The following PHC3 variants were observed in gnomAD, a reference collection of about 807,000 sequenced individuals.
PHC3 encodes polyhomeotic homolog 3.
A neutral mutation model predicts 107.4 loss-of-function variants in PHC3; 13 were observed. That is an observed-to-expected ratio of 0.12 (90% CI 0.08 to 0.19). The LOEUF is 0.19. PHC3 is among the 10% of genes least tolerant of loss of function. The pLI, the probability that PHC3 is intolerant of heterozygous loss-of-function variation, is 1.00. For missense variants in PHC3, 992 were observed against 1,210.9 expected, an observed-to-expected ratio of 0.82 and a Z score of 2.68; for synonymous variants, 456 against 427.4, an observed-to-expected ratio of 1.07 and a Z score of -0.83.
Position 170,122,774 on chromosome 3 carries a change from T to C in PHC3, c.1789-30A>G, listed in dbSNP as rs759586537. ...AATGACAAACCATACTGCCTTAAAA[T>C]GTTTCCAAAACTATATTTTATCAGG... On this transcript the variant is annotated intron_variant, in intron 8 of 14. Coordinates refer to ENST00000495893, the MANE Select transcript of PHC3 (RefSeq NM_024947.4). 2.5e-6 allele frequency: 4 copies of C among 1,605,026 alleles called. No individual in the cohort carries two copies. The African/African-American group carries it at 5.4e-5, about 21-fold the overall frequency.
At chr3:170,141,321 G>C (rs1414086611) in intron 6 of PHC3, among the ~76,000 whole-genome samples, 1 of 152,124 alleles carries the variant, frequency 6.6e-6, no homozygotes, top group Non-Finnish European at 1.5e-5. Flanking sequence ...AATATCCATA[G>C]AGAAATTCCT....
In PHC3 at chr3:170,091,078, C is replaced by T. The variant is rs1260196092; in HGVS notation, c.*6152G>A. Reference sequence around the variant, plus strand: ...CCCACCACTCTCTCATAAACACCAACTTTTTCACCACCATCACTTAAAGCT... The same window carrying T: ...CCCACCACTCTCTCATAAACACCAATTTTTTCACCACCATCACTTAAAGCT... On this transcript the variant is annotated 3_prime_UTR_variant, in exon 15 of 15. Transcript: ENST00000495893. 1 of 152,174 alleles carries T rather than the reference C, an allele frequency of 6.6e-6. No individual in the cohort carries two copies. Among genetic ancestry groups the T allele is most frequent in the Admixed American group, 6.5e-5 (1 of 15,276 alleles). The allele number at this position is 152,174 out of a possible 1,614,324, so 9.4% of individuals were successfully genotyped here.
At chr3:170,137,530 A>G (rs552181148) in intron 6 of PHC3, among the ~76,000 whole-genome samples, 16 of 152,324 alleles carry the variant, frequency 1.1e-4, no homozygotes, top group Admixed American at 9.2e-4. Flanking sequence ...ACTGAAATAA[A>G]AGAGACTCCG....
Position 170,122,636 on chromosome 3 carries a change from T to C in PHC3, c.1897A>G (p.Thr633Ala). 3 of 1,613,980 alleles carry C rather than the reference T, an allele frequency of 1.9e-6. No homozygotes were observed. The highest frequency in any genetic ancestry group is 2.5e-6 in the Non-Finnish European group (3 of 1,179,878). The change falls in exon 9 of 15, where the codon ACA becomes GCA. Residue 633 changes from threonine to alanine, a missense_variant. This residue lies in a region of PHC3 where 543 missense variants were observed against 590.8 expected (regional missense o/e 0.92). Coordinates refer to ENST00000495893, the MANE Select transcript of PHC3 (RefSeq NM_024947.4). ...PPPTLSPAAI[T>A]VGRGEDLTSE... is the part of the protein sequence containing the mutation. ...GTCAAATCTTCTCCTCTCCCCACTG[T>C]TATAGCTGCTGGAGACAAAGTGGGT...
At chr3:170,111,317 G>GGAAGGAAGGAACGAACGAAC (rs1553779856) in intron 11 of PHC3, among the ~76,000 whole-genome samples, 1 of 107,426 alleles carries the variant, frequency 9.3e-6, no homozygotes, top group Non-Finnish European at 2.0e-5. Context: ...AAGGAAGGAA[G>GGAAGGAAGGAACGAACGAAC]GAACGAACGA....
chr3:170,099,484 A>G (rs1463930625), intron 14 of PHC3, among the ~76,000 whole-genome samples: 1 of 152,216 alleles, frequency 6.6e-6, no homozygotes, highest in African/African-American at 2.4e-5. Flanking sequence ...ATACTGAGAT[A>G]AAGTTCTGAG....
rs1714855785 is a variant in PHC3, at chr3:170,097,974, A to G, written c.2834-590T>C. 6.6e-6 allele frequency among the ~76,000 whole-genome samples: 1 copy of G among 152,130 alleles called. No individual in the cohort carries two copies. The highest frequency in any genetic ancestry group is 1.5e-5 in the Non-Finnish European group (1 of 68,010). Reference sequence around the variant, plus strand: ...CAAGACTGTATTACCAATCTATTGCAATGCTGCTGAAATGTATTACGCTGC... The same window carrying G: ...CAAGACTGTATTACCAATCTATTGCGATGCTGCTGAAATGTATTACGCTGC... On this transcript the variant is annotated intron_variant, in intron 14 of 14. Transcript: ENST00000495893. The surrounding 1 kb of genome is among the most constrained non-coding windows in gnomAD (Gnocchi z 4.1).
At position 170,091,561 on chromosome 3, in the gene PHC3, C is replaced by G. The variant is rs190611964; in HGVS notation, c.*5669G>C. ...CTATAAAAGGGAAAAAATAAAACAT[C>G]TGGAAAACATTTCCCAAATGTTCCC... On this transcript the variant is annotated 3_prime_UTR_variant, in exon 15 of 15. Transcript: ENST00000495893. 31 of 152,234 alleles carry G rather than the reference C, an allele frequency of 2.0e-4. No homozygotes were observed. In the East Asian group the frequency reaches 5.2e-3, roughly 26 times the overall value. The allele number at this position is 152,234 out of a possible 1,614,324, so 9.4% of individuals were successfully genotyped here.
chr3:170,128,516 A>AT (rs878885056), intron 8 of PHC3, 168 bp downstream of exon 8: 40,174 of 892,902 alleles, frequency 0.045, 3 homozygotes, highest in Middle Eastern at 0.051. Context: ...AAACAATGGC[A>AT]TTTTTTTTTT....
intron 4 of PHC3, among the ~76,000 whole-genome samples, chr3:170,163,133 T>C (rs547310573): frequency 2.6e-5 from 4 of 152,278 alleles, no homozygotes; most frequent in African/African-American, 9.6e-5. Context: ...TAGAAGAGGA[T>C]TTGGCGAATA....
chr3:170,150,556 T>TCAG (rs1725756273), intron 4 of PHC3: 2 of 110,662 alleles, frequency 1.8e-5, no homozygotes, highest in African/African-American at 3.8e-5. Context: ...AAAAAAAAAT[T>TCAG]AAAAAAATTA....
Position 170,108,028 on chromosome 3 carries a change from G to A in PHC3, c.2354-1082C>T, listed in dbSNP as rs533819045. Among the ~76,000 whole-genome samples the A allele has an allele frequency of 2.0e-5, 3 of 152,184 alleles. No individual in the cohort carries two copies. The East Asian group carries it at 5.8e-4, about 29-fold the overall frequency. On this transcript the variant is annotated intron_variant, in intron 11 of 14. Transcript: ENST00000495893. Reference sequence around the variant, plus strand: ...GTTCCATTTCCTATTTTCCACATAAGAACTAAAAGGGTAGTATGACATGTA... The same window carrying A: ...GTTCCATTTCCTATTTTCCACATAAAAACTAAAAGGGTAGTATGACATGTA...
At chr3:170,162,157 T>A (rs996430871) in intron 4 of PHC3, among the ~76,000 whole-genome samples, 1 of 152,174 alleles carries the variant, frequency 6.6e-6, no homozygotes. Context: ...CAGTCCCTCA[T>A]CTCTTCCATT....
rs376426899 is a variant in PHC3 at position 170,097,269 on chromosome 3, C to T, written c.2949G>A (p.Leu983=). The T allele has an allele frequency of 6.8e-6, 11 of 1,613,112 alleles. No individual in the cohort carries two copies. Among genetic ancestry groups the T allele is most frequent in the African/African-American group, 1.3e-5 (1 of 74,876 alleles). Residue 983 remains leucine (L), a synonymous_variant, in exon 15 of 15, where the codon CTG becomes CTA. Coordinates refer to ENST00000495893, the MANE Select transcript of PHC3 (RefSeq NM_024947.4). The surrounding 1 kb of genome is among the most constrained non-coding windows in gnomAD (Gnocchi z 4.1). ...GAGAGTTGATGCGTGCACAGATCTT[C>T]AGGGCTGGGCCTAGCTTGATATTCA... The part of the protein sequence containing the change: ...SAMNIKLGPA[L]KICARINSLK...
At chr3:170,158,993 T>G (rs1423046257) in intron 4 of PHC3, among the ~76,000 whole-genome samples, 2 of 151,192 alleles carry the variant, frequency 1.3e-5, no homozygotes, top group African/African-American at 4.9e-5. Flanking sequence ...GGCTCACACC[T>G]GTAATCCCAG....
At chr3:170,154,161 T>TA (rs1726508689) in intron 4 of PHC3, among the ~76,000 whole-genome samples, 1 of 152,244 alleles carries the variant, frequency 6.6e-6, no homozygotes, top group Non-Finnish European at 1.5e-5. Context: ...GGCCATGTGT[T>TA]ATTCATCTTC....
In PHC3 at chr3:170,095,275, G is replaced by GT. The variant is rs1666950711; in HGVS notation, c.*1954dup. ...TTAAAAATGTGATATAAAGAAATACGTAACATAGACTACAAGCTATCGTAG... is the reference window on the plus strand; with the variant it reads ...TTAAAAATGTGATATAAAGAAATACGTTAACATAGACTACAAGCTATCGTAG... On this transcript the variant is annotated 3_prime_UTR_variant, in exon 15 of 15. Transcript: ENST00000495893. The GT allele has an allele frequency of 6.6e-6, 1 of 152,010 alleles. No individual in the cohort carries two copies. Among genetic ancestry groups the GT allele is most frequent in the Non-Finnish European group, 1.5e-5 (1 of 67,974 alleles). The allele number at this position is 152,010 out of a possible 1,614,324, so 9.4% of individuals were successfully genotyped here.
In PHC3 at chr3:170,090,519, TTGCTTGTTA is replaced by T. The variant is rs1195954171; in HGVS notation, c.*6702_*6710del. 1 of 152,158 alleles carries T rather than the reference TTGCTTGTTA, an allele frequency of 6.6e-6. No individual in the cohort carries two copies. Among genetic ancestry groups the T allele is most frequent in the Non-Finnish European group, 1.5e-5 (1 of 68,018 alleles). The allele number at this position is 152,158 out of a possible 1,614,324, so 9.4% of individuals were successfully genotyped here. On this transcript the variant is annotated 3_prime_UTR_variant, in exon 15 of 15. Transcript: ENST00000495893. ...GGAGCATTTAGGAAAATGTCATCAT[TTGCTTGTTA>T]TGTATGAATTTTCTATTTTAATCCT... is the stretch of plus-strand genomic sequence containing the variant.
intron 4 of PHC3, among the ~76,000 whole-genome samples, chr3:170,165,691 T>C (rs867261145): frequency 3.4e-5 from 5 of 146,350 alleles, no homozygotes; most frequent in African/African-American, 1.3e-4. Context: ...GAGGTGGAAG[T>C]TGCAGTGAGC....
Sources: gnomAD v4.1 joint callset for allele counts (sites outside exome capture counted in the v4.1 genomes callset) on GRCh38, gnomAD v4.1.1 for gene constraint, gnomAD v4.1.1 regional missense constraint, Gnocchi (gnomAD v3.1) non-coding constraint, MANE v1.5 for transcripts, NCBI Gene and HGNC (gene_info 2026-07-23, HGNC 2026-07-21) for gene names.